Variants in SLCO1B3 observed in about 807,000 individuals in gnomAD.
SLCO1B3 encodes liver-specific organic anion transporter 2.
SLCO1B3 carries 72 observed loss-of-function variants against 71.8 expected under a neutral mutation model. That is an observed-to-expected ratio of 1.00 (90% CI 0.83 to 1.22). SLCO1B3 has a LOEUF of 1.22. SLCO1B3 is among the 50% of genes most tolerant of loss of function. The pLI is 0.00. For missense variants in SLCO1B3, 911 were observed against 819.7 expected, an observed-to-expected ratio of 1.11 and a Z score of -1.36; for synonymous variants, 298 against 278.4, an observed-to-expected ratio of 1.07 and a Z score of -0.70.
At position 20,880,725 on chromosome 12, in the gene SLCO1B3, TTC is replaced by T. The variant is rs1865673504; in HGVS notation, c.1332-126_1332-125del. The stretch of plus-strand genomic sequence containing the variant: ...ATTAAAGGAAAACCCTTTCTCTTAT[TTC>T]TCTTCTCTTTTCCTCTTCTCTTCCT... On this transcript the variant is annotated intron_variant, in intron 11 of 15. Transcript: ENST00000381545. 9 of 564,198 alleles carry T rather than the reference TTC, an allele frequency of 1.6e-5. No homozygotes were observed. In the South Asian group the frequency reaches 3.9e-4, roughly 25 times the overall value. The allele number at this position is 564,198 out of a possible 1,614,324, so 34.9% of individuals were successfully genotyped here.
chr12:20,834,776 T>C (rs1380773753), intron 3 of SLCO1B3, among the ~76,000 whole-genome samples: 2 of 152,068 alleles, frequency 1.3e-5, no homozygotes, highest in African/African-American at 2.4e-5. Context: ...GGCTTTTCCA[T>C]GTGCACAGTG....
intron 8 of SLCO1B3, among the ~76,000 whole-genome samples, chr12:20,867,737 T>C (rs1420879911): frequency 6.6e-6 from 1 of 152,210 alleles, no homozygotes; most frequent in Non-Finnish European, 1.5e-5. Flanking sequence ...TGGTATCATA[T>C]AGAAACATTT....
At chr12:20,880,364 A>G (rs1168285678) in intron 11 of SLCO1B3, among the ~76,000 whole-genome samples, 1 of 151,644 alleles carries the variant, frequency 6.6e-6, no homozygotes, top group Non-Finnish European at 1.5e-5. Flanking sequence ...TTTTTTATGT[A>G]GTTAAAATAT....
intron 8 of SLCO1B3, among the ~76,000 whole-genome samples, chr12:20,867,914 T>C (rs1430596302): frequency 1.3e-5 from 2 of 152,142 alleles, no homozygotes; most frequent in Admixed American, 6.6e-5. Context: ...CCACTGCCTC[T>C]GCCTCTACTA....
At chr12:20,823,319 TGAAAG>T (rs1055690242) in intron 3 of SLCO1B3, among the ~76,000 whole-genome samples, 32 of 151,872 alleles carry the variant, frequency 2.1e-4, no homozygotes, top group Non-Finnish European at 3.1e-4. Flanking sequence ...AAAAGGAAAA[TGAAAG>T]GAAAGGAGAA....
chr12:20,851,382 C>T lies in SLCO1B3; in HGVS notation c.85-3646C>T, dbSNP rs550709126. ...TTCTGATGAGCGTGGGGTGATAGCT[C>T]ATGGTAGTTTTGATTTGCATTTCCC... On this transcript the variant is annotated intron_variant, in intron 3 of 15. Transcript: ENST00000381545. Among the ~76,000 whole-genome samples, 22 of 152,196 alleles carry T rather than the reference C, an allele frequency of 1.4e-4. 2 individuals carry two copies. The South Asian group carries it at 4.4e-3, about 30-fold the overall frequency.
At chr12:20,815,514 T>A (rs989338255) in intron 2 of SLCO1B3, among the ~76,000 whole-genome samples, 160 bp from the exon 3 acceptor site, 1 of 152,218 alleles carries the variant, frequency 6.6e-6, no homozygotes, top group East Asian at 1.9e-4. Flanking sequence ...TCTTTCCTCC[T>A]CTGTGTCCAG....
At chr12:20,864,214 T>A (rs910491456) in intron 8 of SLCO1B3, among the ~76,000 whole-genome samples, 1 of 152,198 alleles carries the variant, frequency 6.6e-6, no homozygotes, top group Admixed American at 6.5e-5. Flanking sequence ...ATCATTTCCA[T>A]TGGTCTCAAA....
At position 20,825,671 on chromosome 12, in the gene SLCO1B3, C is replaced by CTGTGCA. The variant is rs112990846; in HGVS notation, c.84+9849_84+9850insTGTGCA. On this transcript the variant is annotated intron_variant, in intron 3 of 15. Transcript: ENST00000381545. ...AAAATTAGCCAGATGTGGTGGTGTG[C>CTGTGCA]GCCTGTAATCCCAGCTGCTCAGAAA... 4.6e-5 allele frequency among the ~76,000 whole-genome samples: 7 copies of CTGTGCA among 151,634 alleles called. 1 individual carries two copies. The highest frequency in any genetic ancestry group is 1.7e-4 in the African/African-American group (7 of 41,348).
intron 15 of SLCO1B3, among the ~76,000 whole-genome samples, chr12:20,908,803 G>A (rs906125240): frequency 6.6e-6 from 1 of 152,172 alleles, no homozygotes; most frequent in African/African-American, 2.4e-5. Context: ...CATCTTGATT[G>A]CTTGCAGGTT....
At chr12:20,851,097 T>A (rs189041274) in intron 3 of SLCO1B3, among the ~76,000 whole-genome samples, 1 of 152,314 alleles carries the variant, frequency 6.6e-6, no homozygotes, top group East Asian at 1.9e-4. Flanking sequence ...TGCTTCTACC[T>A]CTTGGCTATT....
chr12:20,895,051 A>G (rs1272292768), intron 13 of SLCO1B3, among the ~76,000 whole-genome samples: 2 of 152,128 alleles, frequency 1.3e-5, no homozygotes, highest in Non-Finnish European at 2.9e-5. Flanking sequence ...AGACTTATTC[A>G]CTATCATGGA....
At chr12:20,842,871 A>G (rs1273158850) in intron 3 of SLCO1B3, among the ~76,000 whole-genome samples, 1 of 152,200 alleles carries the variant, frequency 6.6e-6, no homozygotes, top group African/African-American at 2.4e-5. Context: ...TGATTAGGTC[A>G]TGAAAGCAGA....
At chr12:20,915,771 C>T (rs1383657231) in intron 15 of SLCO1B3, among the ~76,000 whole-genome samples, 1 of 151,982 alleles carries the variant, frequency 6.6e-6, no homozygotes, top group African/African-American at 2.4e-5. Flanking sequence ...TCCTCCCTCC[C>T]AAAGGAAGGC....
At chr12:20,845,314 A>ACCTTTT in intron 3 of SLCO1B3, 3 of 19,902 alleles carry the variant, frequency 1.5e-4, no homozygotes, top group Non-Finnish European at 1.1e-3. Context: ...ATCAACAATG[A>ACCTTTT]GTAGAAACAT....
intron 6 of SLCO1B3, 135 bp downstream of exon 6, chr12:20,861,273 A>C: frequency 1.3e-6 from 1 of 741,720 alleles, no homozygotes; most frequent in Non-Finnish European, 2.1e-6. Flanking sequence ...ATACAGACAA[A>C]ATCATACTGT....
At chr12:20,892,563 A>C (rs189695005) in intron 13 of SLCO1B3, among the ~76,000 whole-genome samples, 29 of 152,286 alleles carry the variant, frequency 1.9e-4, no homozygotes, top group African/African-American at 6.7e-4. Context: ...TTCTCTGTAC[A>C]AGAAGGGAAA....
chr12:20,879,716 A>G, intron 11 of SLCO1B3, 85 bp downstream of exon 11: 1 of 877,314 alleles, frequency 1.1e-6, no homozygotes, highest in South Asian at 2.5e-5. Flanking sequence ...GGTAGAAAAC[A>G]ATTGTAATTA....
chr12:20,869,870 A>G (rs1865447046), intron 8 of SLCO1B3, among the ~76,000 whole-genome samples: 1 of 152,162 alleles, frequency 6.6e-6, no homozygotes, highest in African/African-American at 2.4e-5. Context: ...TTGCTCCATC[A>G]TATGGTAGTT....
Sources: allele counts gnomAD v4.1 joint callset (sites outside exome capture counted in the v4.1 genomes callset), GRCh38; gene constraint gnomAD v4.1.1; transcripts MANE v1.5; gene names NCBI Gene and HGNC (gene_info 2026-07-23, HGNC 2026-07-21).